CACNA1C: variants seen among roughly 807,000 people sequenced by gnomAD.
The protein encoded by CACNA1C is voltage-dependent L-type calcium channel subunit alpha-1C.
A neutral mutation model predicts 229.0 loss-of-function variants in CACNA1C; 30 were observed. That is an observed-to-expected ratio of 0.13 (90% CI 0.10 to 0.18). CACNA1C has a LOEUF of 0.18. Ranked by LOEUF, CACNA1C falls within the 10% of genes least tolerant of loss-of-function variation. The pLI, the probability that CACNA1C is intolerant of heterozygous loss-of-function variation, is 1.00. For synonymous variants in CACNA1C, 1,114 were observed against 1,132.5 expected, an observed-to-expected ratio of 0.98 and a Z score of 0.33; for missense variants, 1,658 against 2,845.0, an observed-to-expected ratio of 0.58 and a Z score of 9.49.
At chr12:2,082,401 C>G (rs1194747350) in intron 1 of CACNA1C, among the ~76,000 whole-genome samples, 2 of 152,188 alleles carry the variant, frequency 1.3e-5, no homozygotes, top group African/African-American at 4.8e-5. Context: ...TTCCAGGTGT[C>G]ATACAGCCCG....
chr12:2,381,799 A>G (rs999801643), intron 3 of CACNA1C, among the ~76,000 whole-genome samples: 1 of 152,196 alleles, frequency 6.6e-6, no homozygotes, highest in Non-Finnish European at 1.5e-5. Flanking sequence ...TCTCATTTGG[A>G]ATTTTACTAA....
chr12:2,284,350 G>A (rs1006103181), intron 3 of CACNA1C, among the ~76,000 whole-genome samples: 4 of 146,970 alleles, frequency 2.7e-5, no homozygotes, highest in South Asian at 4.3e-4. Flanking sequence ...TTCTGAATTC[G>A]AAGCCAAACA....
chr12:2,429,140 T>C (rs902426756), intron 3 of CACNA1C, among the ~76,000 whole-genome samples: 1 of 151,972 alleles, frequency 6.6e-6, no homozygotes, highest in East Asian at 1.9e-4. Flanking sequence ...GGTGGTCACA[T>C]GGCTTCCCTC....
At chr12:1,994,199 C>T (rs1383064311) in intron 1 of CACNA1C, among the ~76,000 whole-genome samples, 1 of 152,172 alleles carries the variant, frequency 6.6e-6, no homozygotes, top group African/African-American at 2.4e-5. Context: ...AATTCAACTG[C>T]GCAACTTCCG....
At chr12:2,011,450 G>A (rs1445804826) in intron 1 of CACNA1C, 2 of 152,218 alleles carry the variant, frequency 1.3e-5, no homozygotes, top group African/African-American at 4.8e-5. Context: ...TAAGGTCATA[G>A]AGGGATGACC....
chr12:2,521,803 C>T (rs958140858), intron 9 of CACNA1C, among the ~76,000 whole-genome samples: 10 of 152,180 alleles, frequency 6.6e-5, no homozygotes, highest in African/African-American at 2.2e-4. Context: ...CTTCCAGCCC[C>T]GTTCCCACGC....
chr12:2,606,507 A>G, intron 24 of CACNA1C, 104 bp from the exon 25 acceptor site: 1 of 945,996 alleles, frequency 1.1e-6, no homozygotes. Context: ...TTTTTATCCC[A>G]CTGTCCCTAG....
intron 3 of CACNA1C, among the ~76,000 whole-genome samples, chr12:2,174,892 A>G (rs2096600403): frequency 6.6e-6 from 1 of 152,244 alleles, no homozygotes; most frequent in South Asian, 2.1e-4. Flanking sequence ...ATTAAGTGGA[A>G]GTGAACCATT....
rs922571610 is a variant in CACNA1C, at chr12:2,488,487, C to T, written c.916+2225C>T. ...CTCTTAGGACAAAGATAAGACTTGGCCTCCCCAATTGGAATGGCCAATTTA... is the reference window on the plus strand; with the variant it reads ...CTCTTAGGACAAAGATAAGACTTGGTCTCCCCAATTGGAATGGCCAATTTA... On this transcript the variant is annotated intron_variant, in intron 6 of 46. Coordinates refer to ENST00000399655, the MANE Select transcript of CACNA1C (RefSeq NM_000719.7). This position sits in a 1 kb window ranked among gnomAD's most constrained non-coding sequence, Gnocchi z 4.0. 6.6e-6 allele frequency among the ~76,000 whole-genome samples: 1 copy of T among 152,216 alleles called. No homozygotes were observed. Among genetic ancestry groups the T allele is most frequent in the African/African-American group, 2.4e-5 (1 of 41,458 alleles).
chr12:2,616,388 T>G (rs1030418912), intron 29 of CACNA1C, among the ~76,000 whole-genome samples: 2 of 152,250 alleles, frequency 1.3e-5, no homozygotes, highest in African/African-American at 4.8e-5. Flanking sequence ...GCATATATAG[T>G]GGAGCCCCTC....
At position 2,215,120 on chromosome 12, in the gene CACNA1C, G is replaced by A. The variant is rs190984350; in HGVS notation, c.477+94690G>A. 6.6e-6 allele frequency among the ~76,000 whole-genome samples: 1 copy of A among 152,300 alleles called. No homozygotes were observed. Among genetic ancestry groups the A allele is most frequent in the East Asian group, 1.9e-4 (1 of 5,172 alleles). On this transcript the variant is annotated intron_variant, in intron 3 of 46. Transcript: ENST00000399655. The surrounding 1 kb of genome is among the most constrained non-coding windows in gnomAD (Gnocchi z 5.0). ...CGTGTGCTGCATGAGATGGGGAAAC[G>A]AAGCCATGTTTGCCGGCATATCTGG...
chr12:2,247,646 A>G (rs977001204), intron 3 of CACNA1C, among the ~76,000 whole-genome samples: 1 of 152,188 alleles, frequency 6.6e-6, no homozygotes, highest in East Asian at 1.9e-4. Flanking sequence ...TTCCCTATGG[A>G]CGATGGCAAG....
chr12:2,261,917 G>A (rs574905704), intron 3 of CACNA1C, among the ~76,000 whole-genome samples: 2 of 152,298 alleles, frequency 1.3e-5, no homozygotes, highest in South Asian at 2.1e-4. Context: ...TCACATAGTA[G>A]CCTTTCCTCC....
At chr12:2,272,697 G>T (rs111438652) in intron 3 of CACNA1C, among the ~76,000 whole-genome samples, 5,867 of 152,266 alleles carry the variant, frequency 0.039, 116 homozygotes, top group Middle Eastern at 0.065. Flanking sequence ...GTATTATAAT[G>T]TGGAGCTTCC....
At chr12:2,334,854 A>G (rs1303810180) in intron 3 of CACNA1C, among the ~76,000 whole-genome samples, 6 of 152,216 alleles carry the variant, frequency 3.9e-5, no homozygotes, top group African/African-American at 1.4e-4. Context: ...TAAATTAGAT[A>G]GAAATGTCAT....
rs141965008 is a variant in CACNA1C at position 2,228,107 on chromosome 12, C to T, written c.477+107677C>T. 3.9e-3 allele frequency among the ~76,000 whole-genome samples: 588 copies of T among 152,266 alleles called. 2 individuals are homozygous for T. Among genetic ancestry groups the T allele is most frequent in the African/African-American group, 0.014 (580 of 41,542 alleles). ...ACACATGTGAATAGAGTGCAAATGA[C>T]ACTTAGGGTTGCATTCTTGTGTCAG... On this transcript the variant is annotated intron_variant, in intron 3 of 46. Coordinates refer to ENST00000399655, the MANE Select transcript of CACNA1C (RefSeq NM_000719.7).
At chr12:2,031,190 A>G (rs1457020861) in intron 1 of CACNA1C, among the ~76,000 whole-genome samples, 4 of 152,208 alleles carry the variant, frequency 2.6e-5, no homozygotes, top group Admixed American at 2.6e-4. Flanking sequence ...CCTACCAGGC[A>G]GACCCTCTCC....
intron 1 of CACNA1C, among the ~76,000 whole-genome samples, chr12:2,101,877 G>C (rs945179427): frequency 2.6e-5 from 4 of 151,962 alleles, no homozygotes; most frequent in Admixed American, 2.0e-4. Context: ...CTCTGCCTCT[G>C]CCCTCCTACC....
chr12:2,147,237 G>C (rs2094805392), intron 3 of CACNA1C, among the ~76,000 whole-genome samples: 1 of 151,394 alleles, frequency 6.6e-6, no homozygotes, highest in South Asian at 2.1e-4. Context: ...GAGCAATTTA[G>C]ATTAAATTTC....
Sources: gnomAD v4.1 joint callset for allele counts (sites outside exome capture counted in the v4.1 genomes callset) on GRCh38, gnomAD v4.1.1 for gene constraint, Gnocchi (gnomAD v3.1) non-coding constraint, MANE v1.5 for transcripts, NCBI Gene and HGNC (gene_info 2026-07-23, HGNC 2026-07-21) for gene names.